The following SEC61B variants were observed in gnomAD, a reference collection of about 807,000 sequenced individuals.
SEC61B encodes protein transport protein Sec61 subunit beta.
Under a neutral mutation model 12.6 loss-of-function variants are expected in SEC61B, and 7 were observed. That is an observed-to-expected ratio of 0.55 (90% CI 0.32 to 1.04). The LOEUF (loss-of-function observed/expected upper bound fraction) is 1.04. Ranked by LOEUF, SEC61B falls within the 50% of genes least tolerant of loss-of-function variation. The pLI, the probability that SEC61B is intolerant of heterozygous loss-of-function variation, is 0.05. For missense variants in SEC61B, 107 were observed against 130.1 expected, an observed-to-expected ratio of 0.82 and a Z score of 0.86; for synonymous variants, 54 against 50.1, an observed-to-expected ratio of 1.08 and a Z score of -0.33.
At position 99,222,316 on chromosome 9, in the gene SEC61B, T is replaced by C. The variant is rs755093512; in HGVS notation, c.-48T>C. On this transcript the variant is annotated 5_prime_UTR_variant, in exon 1 of 4. Transcript: ENST00000223641. ...AGCTGCCGGTCTTTCGGGGGCTCCGTAACTTTCTATCCGTCCGCGTCAGCG... is the reference window on the plus strand; with the variant it reads ...AGCTGCCGGTCTTTCGGGGGCTCCGCAACTTTCTATCCGTCCGCGTCAGCG... 3 of 1,614,030 alleles carry C rather than the reference T, an allele frequency of 1.9e-6. No individual in the cohort carries two copies. The highest frequency in any genetic ancestry group is 1.1e-5 in the South Asian group (1 of 91,084).
At chr9:99,223,429 T>G (rs1399356960) in intron 2 of SEC61B, among the ~76,000 whole-genome samples, 5 of 151,430 alleles carry the variant, frequency 3.3e-5, no homozygotes, top group East Asian at 1.9e-4. Context: ...AATCTCACTC[T>G]GTCGCCCAGG....
intron 3 of SEC61B, among the ~76,000 whole-genome samples, chr9:99,229,227 A>G (rs1212676577): frequency 6.6e-6 from 1 of 152,154 alleles, no homozygotes; most frequent in African/African-American, 2.4e-5. Flanking sequence ...GAATATATCT[A>G]GGAAGTAATT....
At chr9:99,229,338 C>T (rs1485007777) in intron 3 of SEC61B, among the ~76,000 whole-genome samples, 1 of 151,822 alleles carries the variant, frequency 6.6e-6, no homozygotes, top group Non-Finnish European at 1.5e-5. Flanking sequence ...TTTTTTTCTC[C>T]TTTAGCGACA....
At chr9:99,227,084 G>T (rs558059876) in intron 2 of SEC61B, among the ~76,000 whole-genome samples, 1 of 151,990 alleles carries the variant, frequency 6.6e-6, no homozygotes, top group East Asian at 1.9e-4. Flanking sequence ...TGGCCAGTAT[G>T]GTGAAACCCT....
At chr9:99,223,411 T>TGG (rs1564226076) in intron 2 of SEC61B, among the ~76,000 whole-genome samples, 35 of 150,034 alleles carry the variant, frequency 2.3e-4, no homozygotes, top group African/African-American at 7.8e-4. Flanking sequence ...TTTTTTTTTT[T>TGG]GGGATGGAAT....
In SEC61B at chr9:99,222,603, G is replaced by T; in HGVS notation, c.61G>T (p.Ala21Ser). Reference sequence around the variant, plus strand: ...ATCCTCAGGGCGCTCTCCCAGCAAAGCAGTGGCCGCCCGGGCGGCGGGATC... The same window carrying T: ...ATCCTCAGGGCGCTCTCCCAGCAAATCAGTGGCCGCCCGGGCGGCGGGATC... ...VGSSGRSPSKAVAARAAGSTV... is the reference protein window; with the variant it reads ...VGSSGRSPSKSVAARAAGSTV... Residue 21 changes from alanine (A) to serine (S), a missense_variant, in exon 2 of 4, where the codon GCA becomes TCA. Physicochemically the swap from Ala to Ser is moderately conservative, Grantham distance 99. Transcript: ENST00000223641. The T allele has an allele frequency of 6.4e-7, 1 of 1,555,276 alleles. No homozygotes were observed.
intron 2 of SEC61B, among the ~76,000 whole-genome samples, chr9:99,223,633 T>C (rs1462377043): frequency 2.0e-5 from 3 of 151,164 alleles, no homozygotes; most frequent in Non-Finnish European, 4.4e-5. Flanking sequence ...GACCTTGTGA[T>C]CCTCCGTCTC....
intron 2 of SEC61B, among the ~76,000 whole-genome samples, chr9:99,225,378 TAG>T (rs1317275519): frequency 6.6e-6 from 1 of 152,110 alleles, no homozygotes; most frequent in East Asian, 1.9e-4. Context: ...AATACCTGAG[TAG>T]ATACCTGAAA....
Position 99,222,924 on chromosome 9 carries a change from G to C in SEC61B, c.101+281G>C, listed in dbSNP as rs549777431. ...CGATGTCATTAAACTGGTGTCTCTG[G>C]ACCTGAGGTTTGCACTCACATTTCC... On this transcript the variant is annotated intron_variant, in intron 2 of 3. Coordinates refer to ENST00000223641, the MANE Select transcript of SEC61B (RefSeq NM_006808.3). The C allele has an allele frequency of 2.0e-4, 68 of 333,612 alleles. No homozygotes were observed. The East Asian group carries it at 3.5e-3, about 17-fold the overall frequency. The allele number at this position is 333,612 out of a possible 1,614,324, so 20.7% of individuals were successfully genotyped here. A position where few individuals can be genotyped will look rare whatever the true frequency, so the allele number is the denominator to read the frequency against.
intron 2 of SEC61B, among the ~76,000 whole-genome samples, chr9:99,226,263 A>C (rs1828893681): frequency 1.3e-5 from 2 of 151,948 alleles, no homozygotes; most frequent in African/African-American, 4.8e-5. Context: ...CCAGGACTGC[A>C]CTCTCCCACT....
Position 99,227,944 on chromosome 9 carries a change from G to A in SEC61B, c.147G>A (p.Ser49=), listed in dbSNP as rs368379137. The change falls in exon 3 of 4, where the codon TCG becomes TCA. Residue 49 remains serine, a synonymous_variant. Transcript: ENST00000223641. Reference sequence around the variant, plus strand: ...CAAGGAGTGCAGGCCGCACAACCTCGGCAGGCACCGGGGGGATGTGGCGAT... The same window carrying A: ...CAAGGAGTGCAGGCCGCACAACCTCAGCAGGCACCGGGGGGATGTGGCGAT... ...CGTRSAGRTT[S]AGTGGMWRFY... 1.2e-5 allele frequency: 20 copies of A among 1,613,924 alleles called. No individual in the cohort carries two copies. The highest frequency in any genetic ancestry group is 1.6e-4 in the Middle Eastern group (1 of 6,084).
chr9:99,222,573 G>C lies in SEC61B; in HGVS notation c.31G>C (p.Val11Leu), dbSNP rs1828841501. The C allele has an allele frequency of 6.4e-7, 1 of 1,569,488 alleles. No individual in the cohort carries two copies. The highest frequency in any genetic ancestry group is 1.2e-5 in the South Asian group (1 of 86,536). The change falls in exon 2 of 4, where the codon GTG becomes CTG. Residue 11 changes from valine to leucine, a missense_variant. Val to Leu is a conservative substitution (Grantham distance 32). Transcript: ENST00000223641. MPGPTPSGTN[V>L]GSSGRSPSKA... ...TGGTCCGACCCCCAGTGGCACTAAC[G>C]TGGGATCCTCAGGGCGCTCTCCCAG... is the stretch of plus-strand genomic sequence containing the variant.
chr9:99,229,955 A>C (rs1828940131), intron 3 of SEC61B, among the ~76,000 whole-genome samples: 1 of 152,240 alleles, frequency 6.6e-6, no homozygotes, highest in Non-Finnish European at 1.5e-5. Context: ...AATAAATCTT[A>C]ATTTGAAAAA....
intron 3 of SEC61B, among the ~76,000 whole-genome samples, chr9:99,228,597 G>T (rs1181583577): frequency 6.6e-6 from 1 of 152,206 alleles, no homozygotes; most frequent in Non-Finnish European, 1.5e-5. Flanking sequence ...GCCTTGCTCA[G>T]GGTTTCTGGT....
At chr9:99,225,262 C>G (rs1177368720) in intron 2 of SEC61B, among the ~76,000 whole-genome samples, 1 of 152,138 alleles carries the variant, frequency 6.6e-6, no homozygotes, top group Non-Finnish European at 1.5e-5. Context: ...AATGTAATTT[C>G]AGGCAATAAG....
chr9:99,224,514 A>G (rs1828874604), intron 2 of SEC61B, among the ~76,000 whole-genome samples: 1 of 152,270 alleles, frequency 6.6e-6, no homozygotes, highest in Admixed American at 6.5e-5. Context: ...AAAAGCACAT[A>G]TTTATCAAAT....
At chr9:99,228,997 C>T (rs1156795258) in intron 3 of SEC61B, among the ~76,000 whole-genome samples, 1 of 151,940 alleles carries the variant, frequency 6.6e-6, no homozygotes, top group Non-Finnish European at 1.5e-5. Flanking sequence ...TTGACCAGCA[C>T]CTTGACTTTA....
intron 2 of SEC61B, among the ~76,000 whole-genome samples, 172 bp from the exon 3 acceptor site, chr9:99,227,727 G>A (rs963920755): frequency 5.9e-5 from 9 of 152,042 alleles, no homozygotes; most frequent in Non-Finnish European, 1.2e-4. Flanking sequence ...TAGGCACTTA[G>A]TTCATTGTGG....
chr9:99,224,049 G>A (rs925211415), intron 2 of SEC61B, among the ~76,000 whole-genome samples: 5 of 152,182 alleles, frequency 3.3e-5, no homozygotes, highest in African/African-American at 4.8e-5. Context: ...AAGCAACCAA[G>A]TTGTTTTGGG....
Sources: gnomAD v4.1 joint callset for allele counts (sites outside exome capture counted in the v4.1 genomes callset) on GRCh38, gnomAD v4.1.1 for gene constraint, MANE v1.5 for transcripts, NCBI Gene and HGNC (gene_info 2026-07-23, HGNC 2026-07-21) for gene names.